Variants in GALE observed in about 807,000 individuals in gnomAD.
GALE encodes the protein UDP-glucose 4-epimerase.
GALE carries 32 observed loss-of-function variants against 44.1 expected under a neutral mutation model. The ratio of observed to expected loss-of-function variants is 0.73; its 90% CI spans 0.55 to 0.97. The LOEUF (loss-of-function observed/expected upper bound fraction) is 0.97, where lower values mean the gene tolerates loss of function less well. Among genes scored for constraint, GALE ranks in the 50% least tolerant of loss-of-function variants. The pLI, the probability that GALE is intolerant of heterozygous loss-of-function variation, is 0.00. For synonymous variants in GALE, 182 were observed against 183.5 expected (o/e 0.99, Z 0.06); for missense variants, 423 against 455.6 (o/e 0.93, Z 0.65).
rs1206129366 is a variant in GALE at position 23,796,882 on chromosome 1, C to T, written c.703G>A (p.Gly235Ser). The T allele has an allele frequency of 6.2e-7, 1 of 1,613,638 alleles. No homozygotes were observed. Among genetic ancestry groups the T allele is most frequent in the East Asian group, 2.2e-5 (1 of 44,876 alleles). Residue 235 changes from glycine to serine, a missense_variant, in exon 8 of 12, where the codon GGC becomes AGC. Coordinates refer to ENST00000617979, the MANE Select transcript of GALE (RefSeq NM_001008216.2). This position sits in a 1 kb window ranked among gnomAD's most constrained non-coding sequence, Gnocchi z 5.2. ...CCCCTGGTCCTAGGCTCACCTGTGC[C>T]ATCCTCTGTGTCATAGTCATTGCCA... ...VFGNDYDTEDGTGVRDYIHVV... is the reference protein window; with the variant it reads ...VFGNDYDTEDSTGVRDYIHVV...
Position 23,798,792 on chromosome 1 carries a change from C to G in GALE, c.122-62G>C. The G allele has an allele frequency of 6.2e-7, 1 of 1,609,784 alleles. No individual in the cohort carries two copies. The highest frequency in any genetic ancestry group is 1.7e-4 in the Middle Eastern group (1 of 6,048). On this transcript the variant is annotated intron_variant, in intron 3 of 11. Coordinates refer to ENST00000617979, the MANE Select transcript of GALE (RefSeq NM_001008216.2). The surrounding 1 kb of genome is among the most constrained non-coding windows in gnomAD (Gnocchi z 4.5). Reference sequence around the variant, plus strand: ...GGGGTGCTGTGTTCCCAGGGACTAGCCAGACACACATTCCCCGCCCGGTGG... The same window carrying G: ...GGGGTGCTGTGTTCCCAGGGACTAGGCAGACACACATTCCCCGCCCGGTGG...
chr1:23,796,228 A>T lies in GALE; in HGVS notation c.911T>A (p.Val304Glu). 6 of 1,614,076 alleles carry T rather than the reference A, an allele frequency of 3.7e-6. No individual in the cohort carries two copies. The highest frequency in any genetic ancestry group is 5.1e-6 in the Non-Finnish European group (6 of 1,179,996). The change falls in exon 11 of 12, where the codon GTG becomes GAG. Residue 304 changes from valine to glutamate, a missense_variant. Coordinates refer to ENST00000617979, the MANE Select transcript of GALE (RefSeq NM_001008216.2). This position sits in a 1 kb window ranked among gnomAD's most constrained non-coding sequence, Gnocchi z 5.2. ...GCTGGGGTTGGCGTAACAGGCTGCC[A>T]CATCACCTTCCCGCCGTGCCACCAC... ...YKVVARREGD[V>E]AACYANPSLA...
rs1638922985 is a variant in GALE, at chr1:23,795,649, T to G, written c.*300A>C. 1 of 544,358 alleles carries G rather than the reference T, an allele frequency of 1.8e-6. No individual in the cohort carries two copies. The highest frequency in any genetic ancestry group is 3.3e-6 in the Non-Finnish European group (1 of 304,988). 33.7% of individuals were successfully genotyped at this position (544,358 alleles called of 1,614,324 possible). A position where few individuals can be genotyped will look rare whatever the true frequency, so the allele number is the denominator to read the frequency against. On this transcript the variant is annotated 3_prime_UTR_variant, in exon 12 of 12. Coordinates refer to ENST00000617979, the MANE Select transcript of GALE (RefSeq NM_001008216.2). ...TTTTTAAATACTTTGGAAAGCTCTT[T>G]CAGAGCAATATAAATGAGTGCCTGG...
At position 23,798,759 on chromosome 1, in the gene GALE, CACG is replaced by C. The variant is rs1557481076; in HGVS notation, c.122-32_122-30del. ...GTAGGGTACATGTAGGCCACATCAT[CACG>C]ACATGGGGTGCTGTGTTCCCAGGGA... On this transcript the variant is annotated intron_variant, in intron 3 of 11. Coordinates refer to ENST00000617979, the MANE Select transcript of GALE (RefSeq NM_001008216.2). This position sits in a 1 kb window ranked among gnomAD's most constrained non-coding sequence, Gnocchi z 4.5. 2.5e-6 allele frequency: 4 copies of C among 1,609,190 alleles called. No individual in the cohort carries two copies. The highest frequency in any genetic ancestry group is 1.7e-5 in the Admixed American group (1 of 60,020).
chr1:23,797,714 T>A lies in GALE; in HGVS notation c.509A>T (p.Asp170Val), dbSNP rs1639004346. ...CCTCACCTTGTCTGCCTGGCACAGGTCCCGGATCATTTCCTCGATGAAGAA... is the reference window on the plus strand; with the variant it reads ...CCTCACCTTGTCTGCCTGGCACAGGACCCGGATCATTTCCTCGATGAAGAA... ...SKFFIEEMIR[D>V]LCQADKTWNA... Residue 170 changes from aspartate to valine, a missense_variant, in exon 6 of 12, where the codon GAC becomes GTC. Transcript: ENST00000617979. 1.9e-6 allele frequency: 3 copies of A among 1,613,852 alleles called. No individual in the cohort carries two copies. The African/African-American group carries it at 4.0e-5, about 22-fold the overall frequency.
rs1327021952 is a variant in GALE, at chr1:23,798,131, T to G, written c.337A>C (p.Ile113Leu). 2 of 1,613,664 alleles carry G rather than the reference T, an allele frequency of 1.2e-6. No homozygotes were observed. The highest frequency in any genetic ancestry group is 1.7e-6 in the Non-Finnish European group (2 of 1,179,570). Residue 113 changes from isoleucine to leucine, a missense_variant, in exon 5 of 12, where the codon ATC becomes CTC. By Grantham distance (5) the Ile-to-Leu change is conservative. Transcript: ENST00000617979. The surrounding 1 kb of genome is among the most constrained non-coding windows in gnomAD (Gnocchi z 4.5). ...DYYRVNLTGT[I>L]QLLEIMKAHG... ...ATGCCTCTCACCTCCAGAAGCTGGA[T>G]GGTCCCGGTCAGGTTAACTCTGTAA...
At chr1:23,797,554 G>A (rs1187003423) in intron 6 of GALE, 141 bp downstream of exon 6, 1 of 813,214 alleles carries the variant, frequency 1.2e-6, no homozygotes, top group Non-Finnish European at 2.1e-6. Context: ...AACAAGCAGG[G>A]GATGGGGCCC....
chr1:23,799,968 A>G (rs953661506), intron 1 of GALE: 3 of 152,132 alleles, frequency 2.0e-5, no homozygotes, highest in Non-Finnish European at 2.9e-5. Flanking sequence ...CGCTGCCTCT[A>G]TCCCCTTCTG....
chr1:23,798,600 C>CCAGCCTGCA lies in GALE; in HGVS notation c.237+6_237+14dup, dbSNP rs1359871718. On this transcript the variant is annotated intron_variant, in intron 4 of 11. Coordinates refer to ENST00000617979, the MANE Select transcript of GALE (RefSeq NM_001008216.2). The surrounding 1 kb of genome is among the most constrained non-coding windows in gnomAD (Gnocchi z 4.5). Reference sequence around the variant, plus strand: ...GAATTACAGGCGTGAGCCACCGTGCCCAGCCTGCACCCACCTTTTTGAAGA... The same window carrying CCAGCCTGCA: ...GAATTACAGGCGTGAGCCACCGTGCCCAGCCTGCACAGCCTGCACCCACCTTTTTGAAGA... 1 of 1,589,374 alleles carries CCAGCCTGCA rather than the reference C, an allele frequency of 6.3e-7. No individual in the cohort carries two copies. Among genetic ancestry groups the CCAGCCTGCA allele is most frequent in the Non-Finnish European group, 8.6e-7 (1 of 1,157,810 alleles).
Position 23,796,663 on chromosome 1 carries a change from C to T in GALE, c.795+34G>A, listed in dbSNP as rs1017935980. The T allele has an allele frequency of 3.1e-6, 5 of 1,612,448 alleles. No individual in the cohort carries two copies. The highest frequency in any genetic ancestry group is 3.3e-4 in the Middle Eastern group (2 of 6,080). On this transcript the variant is annotated intron_variant, in intron 9 of 11. Transcript: ENST00000617979. The surrounding 1 kb of genome is among the most constrained non-coding windows in gnomAD (Gnocchi z 5.2). ...TGGGCCGCTCTGCCTGGATCTGGTCCCTCCCCTCCCTCACTTCTCCCTTCT... is the reference window on the plus strand; with the variant it reads ...TGGGCCGCTCTGCCTGGATCTGGTCTCTCCCCTCCCTCACTTCTCCCTTCT...
chr1:23,797,243 A>T, intron 6 of GALE, 96 bp from the exon 7 acceptor site: 1 of 867,978 alleles, frequency 1.2e-6, no homozygotes, highest in Non-Finnish European at 1.9e-6. Context: ...TTTTTTTGAG[A>T]TGGAGTCTCA....
chr1:23,799,168 G>A (rs2148412712), intron 2 of GALE, 156 bp from the exon 3 acceptor site: 1 of 894,792 alleles, frequency 1.1e-6, no homozygotes, highest in South Asian at 1.4e-5. Context: ...GCAAGTCTGG[G>A]TACCATCACT....
Position 23,796,495 on chromosome 1 carries a change from G to GT in GALE, c.873+13_873+14insA, listed in dbSNP as rs765063773. The GT allele has an allele frequency of 6.6e-4, 1,052 of 1,605,382 alleles. 3 individuals are homozygous for GT. The highest frequency in any genetic ancestry group is 1.8e-3 in the Middle Eastern group (8 of 4,508). ...GGGTGAGGTGGGTGAGGTGGGTGGGGCGGGGGGGCCTACCTTCTTCCCAGA... is the reference window on the plus strand; with the variant it reads ...GGGTGAGGTGGGTGAGGTGGGTGGGGTCGGGGGGGCCTACCTTCTTCCCAGA... On this transcript the variant is annotated intron_variant, in intron 10 of 11. Coordinates refer to ENST00000617979, the MANE Select transcript of GALE (RefSeq NM_001008216.2). The surrounding 1 kb of genome is among the most constrained non-coding windows in gnomAD (Gnocchi z 5.2).
At position 23,796,575 on chromosome 1, in the gene GALE, C is replaced by G; in HGVS notation, c.807G>C (p.Leu269=). 1 of 1,614,136 alleles carries G rather than the reference C, an allele frequency of 6.2e-7. No individual in the cohort carries two copies. The highest frequency in any genetic ancestry group is 8.5e-7 in the Non-Finnish European group (1 of 1,180,020). Residue 269 remains leucine, a synonymous_variant, in exon 10 of 12, where the codon CTG becomes CTC. Transcript: ENST00000617979. The surrounding 1 kb of genome is among the most constrained non-coding windows in gnomAD (Gnocchi z 5.2). The stretch of plus-strand genomic sequence containing the variant: ...GCACTGAATAGCCTGTGCCCGTGCC[C>G]AGGTTGTAGATCTGGCCCACGGAGA... The part of the protein sequence containing the change: ...KEQCGCRIYN[L]GTGTGYSVLQ...
intron 2 of GALE, 172 bp downstream of exon 2, chr1:23,799,194 T>G (rs906284532): frequency 7.1e-6 from 5 of 707,484 alleles, no homozygotes; most frequent in Admixed American, 5.1e-5. Context: ...GCCTTAGGCT[T>G]TGGAAATTAA....
In GALE at chr1:23,798,508, GT is replaced by G. The variant is rs1330881218; in HGVS notation, c.237+106del. On this transcript the variant is annotated intron_variant, in intron 4 of 11. Coordinates refer to ENST00000617979, the MANE Select transcript of GALE (RefSeq NM_001008216.2). This position sits in a 1 kb window ranked among gnomAD's most constrained non-coding sequence, Gnocchi z 4.5. ...TTCTGTAGAGATGGGGTTTCACTGTGTTGAGCAGGCTGGTCTTGAACACCTG... is the reference window on the plus strand; with the variant it reads ...TTCTGTAGAGATGGGGTTTCACTGTGTGAGCAGGCTGGTCTTGAACACCTG... 1.2e-6 allele frequency: 1 copy of G among 835,180 alleles called. No individual in the cohort carries two copies. Among genetic ancestry groups the G allele is most frequent in the South Asian group, 1.4e-5 (1 of 72,750 alleles). 51.7% of individuals were successfully genotyped at this position (835,180 alleles called of 1,614,324 possible).
chr1:23,798,526 G>C lies in GALE; in HGVS notation c.237+89C>G, dbSNP rs1315506769. 1 of 963,710 alleles carries C rather than the reference G, an allele frequency of 1.0e-6. No individual in the cohort carries two copies. The highest frequency in any genetic ancestry group is 1.7e-6 in the Non-Finnish European group (1 of 600,158). 59.7% of individuals were successfully genotyped at this position (963,710 alleles called of 1,614,324 possible). ...TCACTGTGTTGAGCAGGCTGGTCTTGAACACCTGGGCTCAAGTGATCTCCT... is the reference window on the plus strand; with the variant it reads ...TCACTGTGTTGAGCAGGCTGGTCTTCAACACCTGGGCTCAAGTGATCTCCT... On this transcript the variant is annotated intron_variant, in intron 4 of 11. Transcript: ENST00000617979. The surrounding 1 kb of genome is among the most constrained non-coding windows in gnomAD (Gnocchi z 4.5).
chr1:23,799,486 A>G (rs1013967788), intron 1 of GALE, 50 bp from the exon 2 acceptor site: 2 of 272,034 alleles, frequency 7.4e-6, no homozygotes, highest in Non-Finnish European at 1.4e-5. Flanking sequence ...GGTCGCAGGA[A>G]GGGGTTCTGT....
chr1:23,795,936 T>G lies in GALE; in HGVS notation c.*13A>C, dbSNP rs980265368. The G allele has an allele frequency of 4.3e-6, 7 of 1,612,606 alleles. No individual in the cohort carries two copies. In the African/African-American group the frequency reaches 9.3e-5, roughly 22 times the overall value. ...AGCTGCTGCTTTTCCTGGTCCTTGG[T>G]AGGGGAGGGTCCTCAGGCTTGCGTG... On this transcript the variant is annotated 3_prime_UTR_variant, in exon 12 of 12. Transcript: ENST00000617979.
Sources: allele counts gnomAD v4.1 joint callset, GRCh38; gene constraint gnomAD v4.1.1; non-coding constraint Gnocchi (gnomAD v3.1); transcripts MANE v1.5; gene names NCBI Gene and HGNC (gene_info 2026-07-23, HGNC 2026-07-21).